Variants in UPRT observed in about 807,000 individuals in gnomAD.
The protein encoded by UPRT is uracil phosphoribosyltransferase homolog.
UPRT carries 5 observed loss-of-function variants against 22.6 expected under a neutral mutation model. That is an observed-to-expected ratio of 0.22 (90% confidence interval 0.12 to 0.47). UPRT has a LOEUF of 0.47. Ranked by LOEUF, UPRT falls within the 20% of genes least tolerant of loss-of-function variation. The probability of loss-of-function intolerance (pLI) is 0.99; values close to 1 mark genes in which losing one functional copy is unlikely to be tolerated. For synonymous variants in UPRT, 77 were observed against 87.7 expected (o/e 0.88, Z 0.68); for missense variants, 181 against 239.9 (o/e 0.75, Z 1.62).
At position 75,274,263 on chromosome X, in the gene UPRT, G is replaced by A. The variant is rs34268802; in HGVS notation, c.9G>A (p.Thr3=). 16 of 1,200,100 alleles carry A rather than the reference G, an allele frequency of 1.3e-5. No homozygotes were observed. The highest frequency in any genetic ancestry group is 1.8e-5 in the Non-Finnish European group (16 of 887,775). The change falls in exon 1 of 7, where the codon ACG becomes ACA. Residue 3 remains threonine (T), a synonymous_variant. Coordinates refer to ENST00000373383, the MANE Select transcript of UPRT (RefSeq NM_145052.4). MA[T]ELQCPDSMPC... ...AGCCCGGGGCCCGGTGTATGGCCAC[G>A]GAGTTACAGTGTCCGGACTCCATGC...
chrX:75,264,546 C>T (rs1004817818), intron 4 of UPRT, among the ~76,000 whole-genome samples: 10 of 111,022 alleles, frequency 9.0e-5, no homozygotes, highest in African/African-American at 3.3e-4. Context: ...GGATTGCAAC[C>T]CCTTCCTTTT....
intron 4 of UPRT, 87 bp from the exon 5 acceptor site, chrX:75,299,648 A>G (rs2082737570): frequency 2.1e-6 from 2 of 939,317 alleles, no homozygotes; most frequent in Admixed American, 3.9e-5. Flanking sequence ...TTTTGTATTA[A>G]TAACAGTGAC....
At chrX:75,157,770 G>A (rs1288475586) in intron 1 of UPRT, among the ~76,000 whole-genome samples, 1 of 112,245 alleles carries the variant, frequency 8.9e-6, no homozygotes, top group Admixed American at 9.5e-5. Flanking sequence ...GCAGTAGATC[G>A]ATTGCAGGGC....
At chrX:75,237,462 G>T (rs765153326) in intron 4 of UPRT, among the ~76,000 whole-genome samples, 52 of 111,076 alleles carry the variant, frequency 4.7e-4, no homozygotes, top group East Asian at 8.6e-4. Flanking sequence ...TATACCCAAA[G>T]GACTATAAAT....
intron 4 of UPRT, among the ~76,000 whole-genome samples, chrX:75,224,059 G>A (rs763714040): frequency 9.0e-6 from 1 of 110,814 alleles, no homozygotes; most frequent in African/African-American, 3.3e-5. Context: ...TTATATGTCA[G>A]TTATTGTACT....
intron 4 of UPRT, among the ~76,000 whole-genome samples, chrX:75,237,189 C>A (rs2082469325): frequency 8.9e-6 from 1 of 112,280 alleles, no homozygotes; most frequent in Non-Finnish European, 1.9e-5. Context: ...CCAAAAGACA[C>A]ATGAAAAAAT....
Position 75,303,619 on chromosome X carries a change from C to T in UPRT, c.*108C>T. ...TGGCAGAGAAAAATGTGTTAAAATG[C>T]TTTTTAGTTTTGGAAGTGGGTATAT... On this transcript the variant is annotated 3_prime_UTR_variant, in exon 7 of 7. Transcript: ENST00000373383. 1.5e-6 allele frequency: 1 copy of T among 645,904 alleles called. No homozygotes were observed. The highest frequency in any genetic ancestry group is 2.3e-6 in the Non-Finnish European group (1 of 439,460). The allele number at this position is 645,904 out of a possible 1,213,427, so 53.2% of individuals were successfully genotyped here.
intron 4 of UPRT, among the ~76,000 whole-genome samples, chrX:75,233,623 G>T (rs1283059417): frequency 9.0e-6 from 1 of 111,020 alleles, no homozygotes; most frequent in Admixed American, 9.6e-5. Context: ...GAGAGTGGGG[G>T]CCAATATTCA....
chrX:75,188,232 C>T (rs950059412), intron 4 of UPRT, among the ~76,000 whole-genome samples: 12 of 111,694 alleles, frequency 1.1e-4, no homozygotes, highest in African/African-American at 3.6e-4. Context: ...TGTCAATTTT[C>T]CTTTCAACAG....
At chrX:75,223,725 C>T (rs888103947) in intron 4 of UPRT, among the ~76,000 whole-genome samples, 1 of 111,353 alleles carries the variant, frequency 9.0e-6, no homozygotes, top group African/African-American at 3.3e-5. Context: ...GGGATGGAGG[C>T]GGGGTGGTGT....
chrX:75,274,777 T>TGG (rs1274700813), intron 1 of UPRT, 137 bp downstream of exon 1: 20 of 9,062 alleles, frequency 2.2e-3, no homozygotes, highest in Admixed American at 0.01. Flanking sequence ...TTTTATTTGG[T>TGG]GTGTGTGTGT....
intron 4 of UPRT, among the ~76,000 whole-genome samples, chrX:75,229,615 C>A (rs775816958): frequency 7.1e-4 from 80 of 111,892 alleles, no homozygotes; most frequent in Non-Finnish European, 1.3e-3. Flanking sequence ...AAATCCAGAT[C>A]ATGGGAGAAG....
intron 2 of UPRT, among the ~76,000 whole-genome samples, chrX:75,162,352 C>CT (rs919362937): frequency 9.0e-6 from 1 of 111,275 alleles, no homozygotes; most frequent in Non-Finnish European, 1.9e-5. Context: ...ACTGTGAAAA[C>CT]TTGTCTTTTT....
rs1268761195 is a variant in UPRT, at chrX:75,274,290, C to T, written c.36C>T (p.Pro12=). Reference sequence around the variant, plus strand: ...AGTTACAGTGTCCGGACTCCATGCCCTGTCACAACCAGCAAGTAAACTCTG... The same window carrying T: ...AGTTACAGTGTCCGGACTCCATGCCTTGTCACAACCAGCAAGTAAACTCTG... ...ATELQCPDSM[P]CHNQQVNSAS... is the part of the protein sequence containing the mutation. The change falls in exon 1 of 7, where the codon CCC becomes CCT. Residue 12 remains proline (P), a synonymous_variant. Transcript: ENST00000373383. 8.3e-7 allele frequency: 1 copy of T among 1,210,793 alleles called. No homozygotes were observed. The highest frequency in any genetic ancestry group is 1.1e-6 in the Non-Finnish European group (1 of 894,927).
chrX:75,162,773 A>G (rs1416034625), intron 2 of UPRT, among the ~76,000 whole-genome samples: 3 of 111,650 alleles, frequency 2.7e-5, no homozygotes, highest in African/African-American at 9.8e-5. Context: ...TTAAAGATCT[A>G]TTGTTACCCA....
chrX:75,188,377 C>T (rs1451324174), intron 4 of UPRT, among the ~76,000 whole-genome samples: 1 of 112,095 alleles, frequency 8.9e-6, no homozygotes, highest in South Asian at 3.8e-4. Flanking sequence ...GCAGTCTGCC[C>T]GTTCTCAGAT....
Position 75,274,473 on chromosome X carries a change from C to A in UPRT, c.219C>A (p.Ser73Arg), listed in dbSNP as rs1434125791. The A allele has an allele frequency of 1.7e-6, 2 of 1,211,718 alleles. No individual in the cohort carries two copies. Among genetic ancestry groups the A allele is most frequent in the Non-Finnish European group, 2.2e-6 (2 of 895,511 alleles). ...ACTCTGGGGCCTGCGGCGGCTCCAGCCTCAACTCAGAGGGCAACAGTGGTA... is the reference window on the plus strand; with the variant it reads ...ACTCTGGGGCCTGCGGCGGCTCCAGACTCAACTCAGAGGGCAACAGTGGTA... ...ELDSGACGGSSLNSEGNSGSG... is the reference protein window; with the variant it reads ...ELDSGACGGSRLNSEGNSGSG... The change falls in exon 1 of 7, where the codon AGC becomes AGA. Residue 73 changes from serine to arginine, a missense_variant. Coordinates refer to ENST00000373383, the MANE Select transcript of UPRT (RefSeq NM_145052.4).
At chrX:75,303,321 C>A in intron 6 of UPRT, 84 bp from the exon 7 acceptor site, 1 of 659,413 alleles carries the variant, frequency 1.5e-6, no homozygotes. Context: ...CAATTTTAGA[C>A]CTAGTGGCAA....
At chrX:75,273,123 GA>G (rs2082617108), upstream of UPRT, among the ~76,000 whole-genome samples, 2 of 111,361 alleles carry the variant, frequency 1.8e-5, no homozygotes, top group Non-Finnish European at 3.8e-5. Context: ...GGAGCTAAAT[GA>G]TGAGAACACA....
Sources: allele counts gnomAD v4.1 joint callset (sites outside exome capture counted in the v4.1 genomes callset), GRCh38; gene constraint gnomAD v4.1.1; transcripts MANE v1.5; gene names NCBI Gene and HGNC (gene_info 2026-07-23, HGNC 2026-07-21).